The following CHN1 variants were observed in gnomAD, a reference collection of about 807,000 sequenced individuals.
CHN1 encodes N-chimaerin.
Under a neutral mutation model 59.5 loss-of-function variants are expected in CHN1, and 37 were observed. The ratio of observed to expected loss-of-function variants is 0.62; its 90% CI spans 0.48 to 0.82. CHN1 has a LOEUF of 0.82. CHN1 is among the 40% of genes least tolerant of loss of function. CHN1 has a pLI of 0.00. For synonymous variants in CHN1, 206 were observed against 200.4 expected (o/e 1.03, Z -0.24); for missense variants, 469 against 571.0 (o/e 0.82, Z 1.82).
At chr2:174,824,673 G>A (rs1574058989) in intron 7 of CHN1, among the ~76,000 whole-genome samples, 155 bp from the exon 8 acceptor site, 3 of 152,070 alleles carry the variant, frequency 2.0e-5, no homozygotes, top group Non-Finnish European at 4.4e-5. Context: ...CCAGGCTGGA[G>A]TGCAGTGGTG....
intron 3 of CHN1, among the ~76,000 whole-genome samples, chr2:174,920,764 T>C (rs368911898): frequency 6.6e-6 from 1 of 152,198 alleles, no homozygotes; most frequent in East Asian, 1.9e-4. Flanking sequence ...AATTTTTCCA[T>C]GGACCAGGGC....
At chr2:174,980,307 A>T (rs1230999283) in intron 1 of CHN1, among the ~76,000 whole-genome samples, 1 of 152,164 alleles carries the variant, frequency 6.6e-6, no homozygotes, top group African/African-American at 2.4e-5. Flanking sequence ...AAAATACAAA[A>T]AAACTCCACA....
At chr2:174,813,259 T>C (rs1375618708) in intron 8 of CHN1, among the ~76,000 whole-genome samples, 1 of 152,118 alleles carries the variant, frequency 6.6e-6, no homozygotes, top group East Asian at 1.9e-4. Flanking sequence ...GATTCTAGAG[T>C]CCACATTTTA....
At chr2:174,847,277 G>A in intron 6 of CHN1, 2 of 1,374,392 alleles carry the variant, frequency 1.5e-6, no homozygotes, top group Non-Finnish European at 1.9e-6. Flanking sequence ...GGTGGAGGAG[G>A]AGGATGAAGC....
rs546065228 is a variant in CHN1, at chr2:174,954,819, A to C, written c.20-2617T>G. On this transcript the variant is annotated intron_variant, in intron 1 of 12. Transcript: ENST00000409900. ...AAATGGTGTGGATGTGGTGAAAGGG[A>C]ATACTTTTACACTGTTGGTGGGAAT... Among the ~76,000 whole-genome samples, 11 of 152,268 alleles carry C rather than the reference A, an allele frequency of 7.2e-5. No homozygotes were observed. The South Asian group carries it at 2.3e-3, about 32-fold the overall frequency.
chr2:174,823,617 C>T (rs547464106), intron 8 of CHN1, among the ~76,000 whole-genome samples: 13 of 151,362 alleles, frequency 8.6e-5, no homozygotes, highest in African/African-American at 1.9e-4. Flanking sequence ...GAGCCGAGAT[C>T]GCGCTACTGC....
chr2:174,880,578 T>C (rs1687701854), intron 5 of CHN1, among the ~76,000 whole-genome samples: 1 of 152,206 alleles, frequency 6.6e-6, no homozygotes, highest in Admixed American at 6.6e-5. Context: ...AGAAAGACTC[T>C]TTCCTTGAAG....
chr2:174,919,097 G>A (rs1055962844), intron 3 of CHN1, among the ~76,000 whole-genome samples: 12 of 152,274 alleles, frequency 7.9e-5, no homozygotes, highest in African/African-American at 2.9e-4. Context: ...ATTTTCACAG[G>A]AAGATAGACA....
chr2:174,957,448 G>GC (rs1553486963), intron 1 of CHN1, among the ~76,000 whole-genome samples: 57 of 138,740 alleles, frequency 4.1e-4, no homozygotes, highest in African/African-American at 1.4e-3. Flanking sequence ...GTGTGTGTTG[G>GC]GGGGGGGGGC....
chr2:174,837,956 C>CA (rs1686148607), intron 7 of CHN1, among the ~76,000 whole-genome samples: 1 of 152,070 alleles, frequency 6.6e-6, no homozygotes, highest in South Asian at 2.1e-4. Context: ...TGATGAACAC[C>CA]AACTAATGAT....
intron 10 of CHN1, among the ~76,000 whole-genome samples, chr2:174,810,669 C>T (rs1307304414): frequency 6.6e-6 from 1 of 152,154 alleles, no homozygotes; most frequent in Non-Finnish European, 1.5e-5. Flanking sequence ...TTGCTCTTAT[C>T]ACATACATGG....
chr2:174,986,277 T>C (rs55795111), intron 1 of CHN1, among the ~76,000 whole-genome samples: 48,271 of 152,036 alleles, frequency 0.32, 8,928 homozygotes, highest in Admixed American at 0.45. Flanking sequence ...AGCTATAGAA[T>C]ACACCTTGCA....
At chr2:174,870,328 G>A (rs572254295) in intron 6 of CHN1, among the ~76,000 whole-genome samples, 76 of 152,238 alleles carry the variant, frequency 5.0e-4, no homozygotes, top group Non-Finnish European at 1.0e-3. Flanking sequence ...TTGACCAGTT[G>A]TAGTAATTTG....
chr2:174,856,581 G>C (rs1239315469), intron 6 of CHN1, among the ~76,000 whole-genome samples: 1 of 152,132 alleles, frequency 6.6e-6, no homozygotes, highest in African/African-American at 2.4e-5. Context: ...AATTCTCCAA[G>C]CACCAGCTGT....
At position 174,812,379 on chromosome 2, in the gene CHN1, C is replaced by A. The variant is rs528214646; in HGVS notation, c.816G>T (p.Thr272=). Residue 272 remains threonine (T), a synonymous_variant, in exon 9 of 13, where the codon ACG becomes ACT. Transcript: ENST00000409900. The part of the protein sequence containing the change: ...VKKVYSCDLT[T]LVKAHTTKRP... ...GCTTAGTGGTATGTGCTTTCACGAG[C>A]GTCGTAAGGTCACAGCTGTACACCT... The A allele has an allele frequency of 1.2e-6, 2 of 1,613,842 alleles. No homozygotes were observed. Among genetic ancestry groups the A allele is most frequent in the African/African-American group, 2.7e-5 (2 of 74,922 alleles).
intron 6 of CHN1, chr2:174,847,283 G>GA: frequency 7.3e-7 from 1 of 1,367,446 alleles, no homozygotes; most frequent in Non-Finnish European, 9.4e-7. Context: ...GGAGGAGGAT[G>GA]AAGCACTTCT....
intron 3 of CHN1, chr2:174,920,841 A>T (rs1688996029): frequency 3.5e-6 from 1 of 285,448 alleles, no homozygotes; most frequent in Non-Finnish European, 7.4e-6. Flanking sequence ...TATTTCTATT[A>T]TTATTATATA....
rs1205009122 is a variant in CHN1, at chr2:175,005,047, C to G, written c.-135G>C. On this transcript the variant is annotated 5_prime_UTR_variant, in exon 1 of 13. Coordinates refer to ENST00000409900, the MANE Select transcript of CHN1 (RefSeq NM_001822.7). The stretch of plus-strand genomic sequence containing the variant: ...TGGGGCGTGCTGGGGGCGCCGGCGC[C>G]CGGGGAGGCTGCAGGCCGGGACGCG... 1 of 1,378,096 alleles carries G rather than the reference C, an allele frequency of 7.3e-7. No homozygotes were observed. The highest frequency in any genetic ancestry group is 1.5e-5 in the African/African-American group (1 of 65,414). 85.4% of individuals were successfully genotyped at this position (1,378,096 alleles called of 1,614,324 possible).
At chr2:174,963,014 G>C (rs1690467519) in intron 1 of CHN1, among the ~76,000 whole-genome samples, 1 of 151,982 alleles carries the variant, frequency 6.6e-6, no homozygotes. Flanking sequence ...TTTCTCCATT[G>C]CCATGAAGTG....
Sources: gnomAD v4.1 joint callset for allele counts (sites outside exome capture counted in the v4.1 genomes callset) on GRCh38, gnomAD v4.1.1 for gene constraint, MANE v1.5 for transcripts, NCBI Gene and HGNC (gene_info 2026-07-23, HGNC 2026-07-21) for gene names.